The following WWOX variants were observed in gnomAD, a reference collection of about 807,000 sequenced individuals.
WWOX encodes the protein WW domain containing oxidoreductase.
WWOX carries 69 observed loss-of-function variants against 46.2 expected under a neutral mutation model. That is an observed-to-expected ratio of 1.49 (90% confidence interval 1.23 to 1.82). The LOEUF (loss-of-function observed/expected upper bound fraction) is 1.82. Among genes scored for constraint, WWOX ranks in the 40% most tolerant of loss-of-function variants. WWOX has a pLI of 0.00. For synonymous variants in WWOX, 359 were observed against 202.6 expected, an observed-to-expected ratio of 1.77 and a Z score of -6.56; for missense variants, 919 against 542.6, an observed-to-expected ratio of 1.69 and a Z score of -6.89.
At position 78,398,451 on chromosome 16, in the gene WWOX, G is replaced by C. The variant is rs531825186; in HGVS notation, c.605+11503G>C. On this transcript the variant is annotated intron_variant, in intron 6 of 8. Transcript: ENST00000566780. ...GAGGGTAGTTAGGATGGCAAGAGGA[G>C]AAAAACCAAGCTGGATTCATGGATT... Among the ~76,000 whole-genome samples the C allele has an allele frequency of 1.4e-4, 21 of 152,326 alleles. No individual in the cohort carries two copies. The East Asian group carries it at 3.9e-3, about 28-fold the overall frequency.
chr16:78,666,106 G>T (rs1302800602), intron 8 of WWOX, among the ~76,000 whole-genome samples: 1 of 151,986 alleles, frequency 6.6e-6, no homozygotes, highest in African/African-American at 2.4e-5. Context: ...TTAACATAGT[G>T]AGAGCCCCAT....
chr16:78,274,749 C>G (rs935309077), intron 5 of WWOX, among the ~76,000 whole-genome samples: 1 of 152,180 alleles, frequency 6.6e-6, no homozygotes, highest in African/African-American at 2.4e-5. Context: ...CCTAGAATCA[C>G]CTTAGACACC....
chr16:78,766,758 G>T (rs920509938), intron 8 of WWOX, among the ~76,000 whole-genome samples: 14 of 152,144 alleles, frequency 9.2e-5, no homozygotes, highest in African/African-American at 3.4e-4. Flanking sequence ...TTAATGTTCA[G>T]GTTTTGTGAC....
intron 5 of WWOX, chr16:78,355,494 C>T (rs979590680): frequency 2.8e-5 from 10 of 351,192 alleles, no homozygotes; most frequent in Non-Finnish European, 4.0e-5. Flanking sequence ...CCCAGCTACT[C>T]GGGAGGCTGA....
intron 8 of WWOX, among the ~76,000 whole-genome samples, chr16:79,053,961 C>G (rs1008224738): frequency 6.7e-6 from 1 of 150,284 alleles, no homozygotes; most frequent in Admixed American, 6.7e-5. Context: ...TTTCTTTCTC[C>G]TTTTTCTGCT....
chr16:78,977,172 C>G (rs1374920367), intron 8 of WWOX, among the ~76,000 whole-genome samples: 1 of 152,164 alleles, frequency 6.6e-6, no homozygotes, highest in Non-Finnish European at 1.5e-5. Flanking sequence ...ATCATTCACT[C>G]AAGTGTTTGT....
At chr16:78,220,915 A>G (rs1210215068) in intron 5 of WWOX, among the ~76,000 whole-genome samples, 2 of 152,214 alleles carry the variant, frequency 1.3e-5, no homozygotes, top group Non-Finnish European at 2.9e-5. Flanking sequence ...AAGGATATCC[A>G]CTGAGAAGCT....
intron 8 of WWOX, among the ~76,000 whole-genome samples, chr16:78,935,511 A>T (rs1051102714): frequency 3.3e-5 from 5 of 151,866 alleles, no homozygotes; most frequent in African/African-American, 1.2e-4. Context: ...AAGGACAAAA[A>T]AACCAAACAC....
At position 78,129,390 on chromosome 16, in the gene WWOX, A is replaced by G. The variant is rs150653102; in HGVS notation, c.409+14236A>G. ...GGACCACCACAAACTCGGTGCTTCT[A>G]TGCTGCAAACCTAAGATTATAGGCA... is the stretch of plus-strand genomic sequence containing the variant. On this transcript the variant is annotated intron_variant, in intron 4 of 8. Transcript: ENST00000566780. Among the ~76,000 whole-genome samples the G allele has an allele frequency of 2.5e-3, 383 of 152,324 alleles. 1 individual carries two copies. The highest frequency in any genetic ancestry group is 3.9e-3 in the Non-Finnish European group (265 of 68,036).
intron 5 of WWOX, among the ~76,000 whole-genome samples, chr16:78,179,261 A>G (rs2035451269): frequency 6.6e-6 from 1 of 152,202 alleles, no homozygotes; most frequent in African/African-American, 2.4e-5. Flanking sequence ...GTGCAAACCT[A>G]ATAGGGTGAA....
intron 8 of WWOX, among the ~76,000 whole-genome samples, chr16:78,622,277 T>C (rs1264672921): frequency 6.6e-6 from 1 of 152,142 alleles, no homozygotes; most frequent in African/African-American, 2.4e-5. Context: ...TCGCAGTGGC[T>C]CATGCTTGTA....
intron 3 of WWOX, among the ~76,000 whole-genome samples, chr16:78,113,660 C>A (rs150049744): frequency 3.3e-5 from 5 of 152,242 alleles, no homozygotes; most frequent in Non-Finnish European, 5.9e-5. Context: ...TTTGTTTCCA[C>A]AGTATAAATA....
rs139103018 is a variant in WWOX at position 78,940,217 on chromosome 16, CAG to C, written c.1057-271389_1057-271388del. Among the ~76,000 whole-genome samples the C allele has an allele frequency of 3.9e-5, 6 of 152,142 alleles. No homozygotes were observed. In the East Asian group the frequency reaches 9.7e-4, roughly 24 times the overall value. ...TTACACACATTATAAATTCGAGTAA[CAG>C]AAATGTTTGTGTGTAGAAATAGAAT... On this transcript the variant is annotated intron_variant, in intron 8 of 8. Transcript: ENST00000566780.
intron 8 of WWOX, among the ~76,000 whole-genome samples, chr16:78,697,840 T>G (rs1418225159): frequency 6.6e-6 from 1 of 152,152 alleles, no homozygotes; most frequent in Non-Finnish European, 1.5e-5. Flanking sequence ...GTTTTGGTCC[T>G]GACAATACCC....
At chr16:78,643,189 C>A (rs2046761159) in intron 8 of WWOX, among the ~76,000 whole-genome samples, 1 of 152,198 alleles carries the variant, frequency 6.6e-6, no homozygotes, top group Admixed American at 6.5e-5. Flanking sequence ...TGCAGCATGT[C>A]TTGCCCTCTT....
intron 8 of WWOX, among the ~76,000 whole-genome samples, chr16:78,940,636 C>T (rs2045832964): frequency 6.6e-6 from 1 of 151,352 alleles, no homozygotes; most frequent in Non-Finnish European, 1.5e-5. Flanking sequence ...CCTAAACAGG[C>T]ATGTGCACAT....
At chr16:79,104,975 C>T (rs1404901272) in intron 8 of WWOX, among the ~76,000 whole-genome samples, 3 of 152,260 alleles carry the variant, frequency 2.0e-5, no homozygotes, top group Admixed American at 6.5e-5. Context: ...CACCTGTCCG[C>T]CACCCCAATT....
intron 8 of WWOX, among the ~76,000 whole-genome samples, chr16:79,160,462 C>G (rs1183910548): frequency 6.6e-6 from 1 of 151,908 alleles, no homozygotes; most frequent in East Asian, 1.9e-4. Flanking sequence ...CAGATGAACC[C>G]TCGATATTAA....
At chr16:78,767,645 A>G (rs1013343914) in intron 8 of WWOX, among the ~76,000 whole-genome samples, 1 of 152,094 alleles carries the variant, frequency 6.6e-6, no homozygotes, top group African/African-American at 2.4e-5. Flanking sequence ...AAACTGCCAA[A>G]CTGTCTTCAA....
Sources: gnomAD v4.1 joint callset for allele counts (sites outside exome capture counted in the v4.1 genomes callset) on GRCh38, gnomAD v4.1.1 for gene constraint, MANE v1.5 for transcripts, NCBI Gene and HGNC (gene_info 2026-07-23, HGNC 2026-07-21) for gene names.